Variants in ZZZ3 observed in about 807,000 individuals in gnomAD.
The protein encoded by ZZZ3 is ZZ-type zinc finger-containing protein 3.
A neutral mutation model predicts 95.2 loss-of-function variants in ZZZ3; 22 were observed. That is an observed-to-expected ratio of 0.23 (90% CI 0.17 to 0.33). ZZZ3 has a LOEUF of 0.33. Ranked by LOEUF, ZZZ3 falls within the 10% of genes least tolerant of loss-of-function variation. The pLI is 1.00. For missense variants in ZZZ3, 885 were observed against 1,066.5 expected (o/e 0.83, Z 2.37); for synonymous variants, 335 against 358.9 (o/e 0.93, Z 0.75).
intron 12 of ZZZ3, among the ~76,000 whole-genome samples, chr1:77,569,124 G>A (rs1355110576): frequency 6.6e-6 from 1 of 152,294 alleles, no homozygotes; most frequent in South Asian, 2.1e-4. Context: ...ATCACTTTAG[G>A]TCAGGAGTTC....
At chr1:77,659,824 T>C (rs1557771533) in intron 1 of ZZZ3, among the ~76,000 whole-genome samples, 1 of 150,326 alleles carries the variant, frequency 6.7e-6, no homozygotes, top group Non-Finnish European at 1.5e-5. Context: ...GTTGTTGTGG[T>C]TTTGTTTGTT....
intron 5 of ZZZ3, among the ~76,000 whole-genome samples, chr1:77,611,301 G>C (rs1269302923): frequency 8.5e-6 from 1 of 118,120 alleles, no homozygotes; most frequent in East Asian, 2.5e-4. Context: ...CTTTAACCAA[G>C]AAGGTAAAAG....
chr1:77,628,709 C>T (rs923082425), intron 5 of ZZZ3, among the ~76,000 whole-genome samples: 8 of 152,188 alleles, frequency 5.3e-5, no homozygotes, highest in African/African-American at 1.7e-4. Context: ...AAAGTTTCAA[C>T]TAGAATAACA....
intron 5 of ZZZ3, among the ~76,000 whole-genome samples, chr1:77,601,665 C>T (rs748714002): frequency 6.6e-5 from 10 of 152,124 alleles, no homozygotes; most frequent in Non-Finnish European, 1.3e-4. Flanking sequence ...AAAGAGATCC[C>T]TTCATTTCCC....
intron 5 of ZZZ3, among the ~76,000 whole-genome samples, chr1:77,618,233 CTTTTTTTTTTTTT>C (rs10597366): frequency 7.4e-5 from 6 of 81,072 alleles, no homozygotes; most frequent in East Asian, 4.7e-4. Context: ...CCAATGCAGC[CTTTTTTTTTTTTT>C]TTTTTTTTTT....
chr1:77,600,719 T>G (rs182044954), intron 5 of ZZZ3, among the ~76,000 whole-genome samples: 2 of 152,236 alleles, frequency 1.3e-5, no homozygotes, highest in African/African-American at 4.8e-5. Context: ...CACAGGACTT[T>G]AGGACCACAA....
At chr1:77,678,743 G>A (rs936632263) in intron 1 of ZZZ3, among the ~76,000 whole-genome samples, 10 of 152,114 alleles carry the variant, frequency 6.6e-5, no homozygotes, top group Admixed American at 3.3e-4. Context: ...TTTATCTGTG[G>A]ACTAATTCCA....
chr1:77,597,599 T>C (rs1195797047), intron 5 of ZZZ3, among the ~76,000 whole-genome samples: 1 of 152,154 alleles, frequency 6.6e-6, no homozygotes, highest in South Asian at 2.1e-4. Flanking sequence ...AGAAATGGCA[T>C]TTTACTTCTA....
intron 5 of ZZZ3, among the ~76,000 whole-genome samples, chr1:77,590,641 T>TC (rs1663592965): frequency 6.6e-6 from 1 of 152,158 alleles, no homozygotes; most frequent in African/African-American, 2.4e-5. Flanking sequence ...TTGGGCTAGA[T>TC]CCCCCCAGGG....
At chr1:77,647,516 C>T (rs894832666) in intron 1 of ZZZ3, among the ~76,000 whole-genome samples, 4 of 147,150 alleles carry the variant, frequency 2.7e-5, no homozygotes, top group African/African-American at 1.0e-4. Context: ...GAGACTCTGT[C>T]TCAGGAAGGA....
At chr1:77,647,295 G>T (rs1240582604) in intron 1 of ZZZ3, among the ~76,000 whole-genome samples, 1 of 152,194 alleles carries the variant, frequency 6.6e-6, no homozygotes, top group East Asian at 1.9e-4. Context: ...AAGGCAGGCA[G>T]ATCACTTGAG....
chr1:77,620,818 T>C (rs78102388), intron 5 of ZZZ3, among the ~76,000 whole-genome samples: 2,646 of 152,190 alleles, frequency 0.017, 88 homozygotes, highest in African/African-American at 0.06. Flanking sequence ...AGTATATAGA[T>C]AGTAATTTAA....
chr1:77,596,234 A>G (rs1664201019), intron 5 of ZZZ3, among the ~76,000 whole-genome samples: 1 of 152,146 alleles, frequency 6.6e-6, no homozygotes, highest in Non-Finnish European at 1.5e-5. Context: ...CTAGGAAAGA[A>G]CATTAAAAAA....
chr1:77,666,988 A>C (rs143570761), intron 1 of ZZZ3, among the ~76,000 whole-genome samples: 2 of 152,344 alleles, frequency 1.3e-5, no homozygotes, highest in African/African-American at 4.8e-5. Flanking sequence ...AAAATAAAAC[A>C]AGTATAAATG....
chr1:77,647,009 T>C (rs1251731063), intron 1 of ZZZ3, among the ~76,000 whole-genome samples: 1 of 152,128 alleles, frequency 6.6e-6, no homozygotes, highest in East Asian at 1.9e-4. Flanking sequence ...TATTGATCAG[T>C]AAAACAGGGA....
At chr1:77,603,535 T>G (rs916280203) in intron 5 of ZZZ3, among the ~76,000 whole-genome samples, 1 of 152,154 alleles carries the variant, frequency 6.6e-6, no homozygotes, top group Non-Finnish European at 1.5e-5. Flanking sequence ...AAAAAGCTTC[T>G]AAGGGTCAGG....
At chr1:77,634,160 A>G (rs1044820524) in intron 4 of ZZZ3, among the ~76,000 whole-genome samples, 2 of 152,038 alleles carry the variant, frequency 1.3e-5, no homozygotes, top group African/African-American at 4.8e-5. Flanking sequence ...ACAGAGTGAG[A>G]CTGTCTCAAA....
chr1:77,636,395 T>A (rs1364417752), intron 4 of ZZZ3, among the ~76,000 whole-genome samples: 3 of 152,144 alleles, frequency 2.0e-5, no homozygotes, highest in Non-Finnish European at 2.9e-5. Flanking sequence ...ACCTTTTTTT[T>A]ATACATATAT....
At chr1:77,584,859 A>G (rs987694429) in intron 5 of ZZZ3, 5 of 355,944 alleles carry the variant, frequency 1.4e-5, no homozygotes, top group Non-Finnish European at 2.0e-5. Flanking sequence ...GAGAAAGCAA[A>G]GCCTTCTTCC....
Sources: allele counts gnomAD v4.1 joint callset (sites outside exome capture counted in the v4.1 genomes callset), GRCh38; gene constraint gnomAD v4.1.1; transcripts MANE v1.5; gene names NCBI Gene and HGNC (gene_info 2026-07-23, HGNC 2026-07-21).